ZYG11B: variants seen among roughly 807,000 people sequenced by gnomAD.
The protein encoded by ZYG11B is zyg-11 family member B, cell cycle regulator.
In ZYG11B, 36 loss-of-function variants were observed where a neutral mutation model predicts 82.4. The observed-to-expected ratio is 0.44, with a 90% CI of 0.33 to 0.58. The LOEUF (loss-of-function observed/expected upper bound fraction) is 0.58, where lower values mean the gene tolerates loss of function less well. Among genes scored for constraint, ZYG11B ranks in the 20% least tolerant of loss-of-function variants. The pLI is 0.02. For synonymous variants in ZYG11B, 303 were observed against 312.8 expected (o/e 0.97, Z 0.33); for missense variants, 552 against 895.6 (o/e 0.62, Z 4.90).
chr1:52,748,156 G>C (rs1644491941), intron 1 of ZYG11B, among the ~76,000 whole-genome samples: 1 of 152,168 alleles, frequency 6.6e-6, no homozygotes, highest in African/African-American at 2.4e-5. Flanking sequence ...ATGGGGAAGA[G>C]ATTTAACCTA....
intron 1 of ZYG11B, among the ~76,000 whole-genome samples, chr1:52,736,464 T>A (rs1309641281): frequency 6.6e-6 from 1 of 151,572 alleles, no homozygotes; most frequent in African/African-American, 2.4e-5. Context: ...TTTTTTTTCT[T>A]TTTTTTGAGA....
At chr1:52,737,762 C>A (rs1029799960) in intron 1 of ZYG11B, among the ~76,000 whole-genome samples, 8 of 151,548 alleles carry the variant, frequency 5.3e-5, no homozygotes, top group Non-Finnish European at 1.0e-4. Flanking sequence ...AACCCTGTCT[C>A]AAAAAAAACA....
intron 3 of ZYG11B, 53 bp from the exon 4 acceptor site, chr1:52,779,800 A>T (rs9661082): frequency 0.48 from 771,012 of 1,603,826 alleles, 200,294 homozygotes; most frequent in East Asian, 0.97. Context: ...ACACATGATA[A>T]TTAGATAGAG....
chr1:52,772,134 TTTTG>T, intron 3 of ZYG11B: 2 of 1,122,632 alleles, frequency 1.8e-6, no homozygotes, highest in Non-Finnish European at 2.7e-6. Context: ...GTTTTTTTGT[TTTTG>T]TTTTTGTTTT....
chr1:52,749,702 G>A (rs1260689177), intron 1 of ZYG11B, among the ~76,000 whole-genome samples: 2 of 151,486 alleles, frequency 1.3e-5, no homozygotes, highest in Non-Finnish European at 3.0e-5. Flanking sequence ...CTCCCGGGTT[G>A]CCACCACGCT....
At chr1:52,783,083 C>T (rs938839037) in intron 4 of ZYG11B, among the ~76,000 whole-genome samples, 9 of 152,060 alleles carry the variant, frequency 5.9e-5, no homozygotes, top group South Asian at 2.1e-4. Context: ...CCTGCCACCA[C>T]GCCCAGCTAA....
chr1:52,800,275 C>CAAA (rs71579948), intron 8 of ZYG11B, among the ~76,000 whole-genome samples: 2 of 120,054 alleles, frequency 1.7e-5, no homozygotes, highest in Non-Finnish European at 1.6e-5. Flanking sequence ...GATTCCATGT[C>CAAA]AAAAAAAAAA....
rs1446772249 is a variant in ZYG11B at position 52,821,914 on chromosome 1, T to C, written c.*285T>C. ...TTGTGCTTGAGATTCTACAGTTTTA[T>C]GGTAAAGTTTGCACGAACCCTTAGG... On this transcript the variant is annotated 3_prime_UTR_variant, in exon 14 of 14. Transcript: ENST00000294353. 1 of 272,814 alleles carries C rather than the reference T, an allele frequency of 3.7e-6. No individual in the cohort carries two copies. Among genetic ancestry groups the C allele is most frequent in the Non-Finnish European group, 6.8e-6 (1 of 146,166 alleles). 16.9% of individuals were successfully genotyped at this position (272,814 alleles called of 1,614,324 possible). A position where few individuals can be genotyped will look rare whatever the true frequency, so the allele number is the denominator to read the frequency against.
chr1:52,803,087 C>CACATAT (rs1471683117), intron 10 of ZYG11B, among the ~76,000 whole-genome samples: 3 of 22,544 alleles, frequency 1.3e-4, no homozygotes, highest in African/African-American at 3.2e-4. Context: ...TATATATACA[C>CACATAT]ATATATATAT....
intron 1 of ZYG11B, among the ~76,000 whole-genome samples, chr1:52,737,926 T>G (rs1017288006): frequency 3.9e-4 from 59 of 152,368 alleles, no homozygotes; most frequent in Admixed American, 3.8e-3. Context: ...TGAGAAATGT[T>G]AGATCAGATA....
Position 52,782,931 on chromosome 1 carries a change from C to CTTT in ZYG11B, c.1093-1935_1093-1933dup, listed in dbSNP as rs33945214. On this transcript the variant is annotated intron_variant, in intron 4 of 13. Transcript: ENST00000294353. ...CCACTGCACCTAGCCTAGGCAATTC[C>CTTT]TTTTTTTTTTTTTGAGACTGAGTCT... Among the ~76,000 whole-genome samples the CTTT allele has an allele frequency of 3.1e-3, 446 of 143,148 alleles. 3 individuals carry two copies. The highest frequency in any genetic ancestry group is 4.0e-3 in the Non-Finnish European group (261 of 65,832). The allele number at this position is 143,148 out of a possible 152,430, so 93.9% of individuals were successfully genotyped here.
At chr1:52,751,820 A>C (rs1644527083) in intron 1 of ZYG11B, among the ~76,000 whole-genome samples, 1 of 152,098 alleles carries the variant, frequency 6.6e-6, no homozygotes, top group Non-Finnish European at 1.5e-5. Flanking sequence ...ATGTGATAGG[A>C]AAAACAACAT....
intron 10 of ZYG11B, among the ~76,000 whole-genome samples, chr1:52,809,971 TG>T: frequency 6.6e-6 from 1 of 152,324 alleles, no homozygotes; most frequent in African/African-American, 2.4e-5. Context: ...TGGTAGTTTT[TG>T]ATTGAATGCC....
At position 52,748,754 on chromosome 1, in the gene ZYG11B, TG is replaced by T. The variant is rs1394258947; in HGVS notation, c.31-7701del. On this transcript the variant is annotated intron_variant, in intron 1 of 13. Transcript: ENST00000294353. ...GCACGCGCCTGTAATCCCAGCTACT[TG>T]GGAGTCTGAGGCAGGAGAATCACTT... Among the ~76,000 whole-genome samples, 202 of 152,168 alleles carry T rather than the reference TG, an allele frequency of 1.3e-3. 2 individuals are homozygous for T. The highest frequency in any genetic ancestry group is 8.8e-5 in the Non-Finnish European group (6 of 68,000).
chr1:52,782,398 A>G (rs1054633817), intron 4 of ZYG11B, among the ~76,000 whole-genome samples: 11 of 151,564 alleles, frequency 7.3e-5, no homozygotes, highest in African/African-American at 2.7e-4. Flanking sequence ...TTATTTTTTT[A>G]AAGATACAAG....
chr1:52,809,551 T>C (rs1173157834), intron 10 of ZYG11B, among the ~76,000 whole-genome samples: 1 of 152,228 alleles, frequency 6.6e-6, no homozygotes, highest in East Asian at 1.9e-4. Flanking sequence ...ATAGAATTAC[T>C]GTATCATGAT....
Position 52,792,557 on chromosome 1 carries a change from A to G in ZYG11B, c.1334+2490A>G, listed in dbSNP as rs12141719. Among the ~76,000 whole-genome samples the G allele has an allele frequency of 3.8e-3, 582 of 152,332 alleles. 3 individuals are homozygous for G. Among genetic ancestry groups the G allele is most frequent in the Non-Finnish European group, 6.1e-3 (412 of 68,030 alleles). The stretch of plus-strand genomic sequence containing the variant: ...CACAGAAAGGATTAGTAACTTGCCC[A>G]AGGTAATAAGATAGTAAGTAGCAGA... On this transcript the variant is annotated intron_variant, in intron 6 of 13. Transcript: ENST00000294353.
At chr1:52,734,178 TG>T (rs1440802009) in intron 1 of ZYG11B, among the ~76,000 whole-genome samples, 7 of 151,954 alleles carry the variant, frequency 4.6e-5, no homozygotes, top group African/African-American at 1.7e-4. Flanking sequence ...TTTTTATTTT[TG>T]TAGAGGTAGG....
At chr1:52,735,738 A>G (rs756043167) in intron 1 of ZYG11B, among the ~76,000 whole-genome samples, 1 of 151,876 alleles carries the variant, frequency 6.6e-6, no homozygotes, top group Non-Finnish European at 1.5e-5. Context: ...GGGTTTCACT[A>G]TGTTGGCTAG....
Sources: gnomAD v4.1 joint callset for allele counts (sites outside exome capture counted in the v4.1 genomes callset) on GRCh38, gnomAD v4.1.1 for gene constraint, MANE v1.5 for transcripts, NCBI Gene and HGNC (gene_info 2026-07-23, HGNC 2026-07-21) for gene names.